KATNIP: variants seen among roughly 807,000 people sequenced by gnomAD.
The protein encoded by KATNIP is katanin-interacting protein.
KATNIP carries 126 observed loss-of-function variants against 174.0 expected under a neutral mutation model. That is an observed-to-expected ratio of 0.72 (90% CI 0.63 to 0.84). The LOEUF is 0.84. KATNIP is among the 40% of genes least tolerant of loss of function. The pLI is 0.00. For missense variants in KATNIP, 1,958 were observed against 2,109.7 expected (o/e 0.93, Z 1.41); for synonymous variants, 810 against 835.7 (o/e 0.97, Z 0.53).
intron 1 of KATNIP, among the ~76,000 whole-genome samples, chr16:27,551,666 C>G (rs1442367126): frequency 6.6e-6 from 1 of 152,196 alleles, no homozygotes; most frequent in Non-Finnish European, 1.5e-5. Flanking sequence ...AGGTGGATCA[C>G]TTGAGGTCAG....
chr16:27,651,219 A>C (rs968258116), intron 6 of KATNIP, among the ~76,000 whole-genome samples: 2 of 152,226 alleles, frequency 1.3e-5, no homozygotes, highest in African/African-American at 4.8e-5. Context: ...CCGCATAGGC[A>C]TGGCTGCTGC....
chr16:27,724,066 C>T (rs2080347429), intron 14 of KATNIP, among the ~76,000 whole-genome samples: 2 of 152,202 alleles, frequency 1.3e-5, no homozygotes, highest in Non-Finnish European at 2.9e-5. Flanking sequence ...GAAGTTTAAA[C>T]TTGAGAAAAA....
chr16:27,762,284 C>T (rs2081981510), intron 19 of KATNIP, among the ~76,000 whole-genome samples: 1 of 152,156 alleles, frequency 6.6e-6, no homozygotes, highest in Admixed American at 6.5e-5. Context: ...ACTTTCTTAA[C>T]CTCTTCAATA....
Position 27,770,016 on chromosome 16 carries a change from G to T in KATNIP, c.4131G>T (p.Arg1377Ser). Residue 1377 changes from arginine (R) to serine (S), a missense_variant and splice_region_variant, in exon 21 of 28, where the codon AGG becomes AGT. Around this residue, in one of 3 missense-constraint regions of KATNIP, gnomAD observed 383 missense variants for 456.0 expected, o/e 0.84. Transcript: ENST00000261588. ...CTCAGCTGCTGCCCCAGCCGGCCAG[G>T]AGGTGAGGAGAAAGTGGGCGCCACA... ...LRAQLLPQPA[R>S]RLDMRSLECA... is the part of the protein sequence containing the mutation. 1 of 1,612,704 alleles carries T rather than the reference G, an allele frequency of 6.2e-7. No individual in the cohort carries two copies. Among genetic ancestry groups the T allele is most frequent in the Non-Finnish European group, 8.5e-7 (1 of 1,178,834 alleles).
chr16:27,684,949 A>T (rs1392772915), intron 8 of KATNIP, among the ~76,000 whole-genome samples: 1 of 152,192 alleles, frequency 6.6e-6, no homozygotes, highest in African/African-American at 2.4e-5. Flanking sequence ...TTTTTAGGGG[A>T]CACAATTCAA....
intron 2 of KATNIP, among the ~76,000 whole-genome samples, chr16:27,601,335 G>T (rs1042362079): frequency 6.6e-6 from 1 of 152,200 alleles, no homozygotes; most frequent in South Asian, 2.1e-4. Context: ...TACTGGGTGA[G>T]GAGGCAGACA....
chr16:27,678,828 A>C (rs1264990372), intron 7 of KATNIP: 1 of 152,326 alleles, frequency 6.6e-6, no homozygotes, highest in Non-Finnish European at 1.5e-5. Context: ...ACGCAGAGAC[A>C]GCAGTGTCCA....
intron 5 of KATNIP, among the ~76,000 whole-genome samples, chr16:27,631,428 C>G (rs140382985): frequency 6.6e-6 from 1 of 151,964 alleles, no homozygotes; most frequent in Non-Finnish European, 1.5e-5. Flanking sequence ...ACCTCTAGTC[C>G]CAGCTACTCA....
intron 5 of KATNIP, among the ~76,000 whole-genome samples, chr16:27,642,788 T>C (rs1028100362): frequency 1.8e-5 from 2 of 110,570 alleles, no homozygotes; most frequent in African/African-American, 5.4e-5. Context: ...TTTTTTTTTT[T>C]GTGGAGACAA....
intron 14 of KATNIP, among the ~76,000 whole-genome samples, chr16:27,736,662 G>A (rs896153140): frequency 6.6e-6 from 1 of 152,198 alleles, no homozygotes; most frequent in African/African-American, 2.4e-5. Flanking sequence ...AGGTCAGCAG[G>A]CACCCCTGAA....
At chr16:27,739,216 C>A (rs2081012485) in intron 14 of KATNIP, among the ~76,000 whole-genome samples, 2 of 152,076 alleles carry the variant, frequency 1.3e-5, no homozygotes, top group Admixed American at 1.3e-4. Flanking sequence ...AGGCGAGGGA[C>A]AGCTGGCGGA....
In KATNIP at chr16:27,773,175, C is replaced by T. The variant is rs780323300; in HGVS notation, c.4275C>T (p.Asp1425=). 15 of 1,611,866 alleles carry T rather than the reference C, an allele frequency of 9.3e-6. No homozygotes were observed. In the East Asian group the frequency reaches 2.2e-4, roughly 24 times the overall value. The change falls in exon 23 of 28, where the codon GAC becomes GAT. Residue 1425 remains aspartate, a synonymous_variant. Coordinates refer to ENST00000261588, the MANE Select transcript of KATNIP (RefSeq NM_015202.5). ...YIGLTGLELY[D]ERGEKIPLSE... ...GCCTCACCGGCCTGGAGCTGTATGA[C>T]GAGCGAGGAGAAAAAATCCCCTTGT...
chr16:27,618,369 C>CT, intron 2 of KATNIP, 56 bp from the exon 3 acceptor site: 2 of 1,379,498 alleles, frequency 1.4e-6, no homozygotes, highest in South Asian at 2.3e-5. Flanking sequence ...CACCTGCACT[C>CT]TCAGTCAGTG....
intron 8 of KATNIP, among the ~76,000 whole-genome samples, chr16:27,689,224 T>A (rs1311976061): frequency 6.6e-6 from 1 of 152,216 alleles, no homozygotes. Flanking sequence ...GAGACCAGCC[T>A]GGCCAACATG....
chr16:27,685,542 G>A (rs578080714), intron 8 of KATNIP, among the ~76,000 whole-genome samples: 4 of 152,084 alleles, frequency 2.6e-5, no homozygotes, highest in Non-Finnish European at 5.9e-5. Context: ...AGAAGCATGC[G>A]TTCATACAAA....
At chr16:27,655,923 A>G (rs2077267437) in intron 6 of KATNIP, among the ~76,000 whole-genome samples, 2 of 152,170 alleles carry the variant, frequency 1.3e-5, no homozygotes, top group South Asian at 4.1e-4. Context: ...GGAGCAAGGT[A>G]TTCAGAGGTG....
intron 13 of KATNIP, among the ~76,000 whole-genome samples, chr16:27,714,172 A>G (rs1471427865): frequency 6.6e-6 from 1 of 151,854 alleles, no homozygotes; most frequent in Non-Finnish European, 1.5e-5. Flanking sequence ...CCCTCACCCA[A>G]CAATCTGGAG....
intron 1 of KATNIP, among the ~76,000 whole-genome samples, chr16:27,559,432 A>G (rs2089763002): frequency 6.6e-6 from 1 of 152,166 alleles, no homozygotes; most frequent in Non-Finnish European, 1.5e-5. Flanking sequence ...CTGTAGTCCT[A>G]GCACTTTGGG....
chr16:27,674,170 G>A (rs1267083210), intron 6 of KATNIP, among the ~76,000 whole-genome samples: 3 of 152,174 alleles, frequency 2.0e-5, no homozygotes, highest in Non-Finnish European at 4.4e-5. Context: ...ACCAATACTT[G>A]GTATCAAGGG....
Sources: allele counts gnomAD v4.1 joint callset (sites outside exome capture counted in the v4.1 genomes callset), GRCh38; gene constraint gnomAD v4.1.1; regional missense constraint gnomAD v4.1.1; transcripts MANE v1.5; gene names NCBI Gene and HGNC (gene_info 2026-07-23, HGNC 2026-07-21).